Variants in NTRK2 observed in about 807,000 individuals in gnomAD.
The protein encoded by NTRK2 is BDNF/NT-3 growth factors receptor.
In NTRK2, 13 loss-of-function variants were observed where a neutral mutation model predicts 94.5. The ratio of observed to expected loss-of-function variants is 0.14; its 90% CI spans 0.09 to 0.22. The LOEUF is 0.22. Ranked by LOEUF, NTRK2 falls within the 10% of genes least tolerant of loss-of-function variation. The pLI is 1.00. For synonymous variants in NTRK2, 372 were observed against 407.4 expected (o/e 0.91, Z 1.05); for missense variants, 639 against 1,071.2 (o/e 0.60, Z 5.63).
intron 12 of NTRK2, among the ~76,000 whole-genome samples, chr9:84,842,037 GAACTATTCACCC>G (rs1297583972): frequency 6.6e-6 from 1 of 152,142 alleles, no homozygotes; most frequent in Non-Finnish European, 1.5e-5. Flanking sequence ...GCAACCAGTG[GAACTATTCACCC>G]TTTCTCCAGA....
chr9:84,841,805 G>A (rs1343395087), intron 12 of NTRK2, among the ~76,000 whole-genome samples: 1 of 152,066 alleles, frequency 6.6e-6, no homozygotes. Flanking sequence ...CTACATTCAC[G>A]GCAGAAATTT....
chr9:84,741,562 A>G (rs543313538), intron 9 of NTRK2, among the ~76,000 whole-genome samples: 25 of 152,354 alleles, frequency 1.6e-4, no homozygotes, highest in African/African-American at 5.8e-4. Context: ...AACTGCAATG[A>G]AAGTAGCCAA....
intron 14 of NTRK2, among the ~76,000 whole-genome samples, chr9:84,922,834 G>C (rs1587939741): frequency 6.6e-6 from 1 of 152,214 alleles, no homozygotes; most frequent in Non-Finnish European, 1.5e-5. Flanking sequence ...AAATGAAGGA[G>C]TGGGGGAAAG....
At chr9:84,755,022 C>T (rs190024819) in intron 12 of NTRK2, among the ~76,000 whole-genome samples, 44 of 152,290 alleles carry the variant, frequency 2.9e-4, no homozygotes, top group African/African-American at 9.6e-4. Context: ...GAGTGCAGGG[C>T]AACACAAGCT....
At chr9:84,853,235 G>A (rs1439631659) in intron 12 of NTRK2, among the ~76,000 whole-genome samples, 1 of 152,156 alleles carries the variant, frequency 6.6e-6, no homozygotes, top group East Asian at 1.9e-4. Flanking sequence ...TTGAGAACTT[G>A]AATAGGCCTC....
At position 84,996,500 on chromosome 9, in the gene NTRK2, C is replaced by G. The variant is rs74899183; in HGVS notation, c.2173-23706C>G. ...TGGAACTTCTTCCTTCTATCGCTAT[C>G]TCCTGACATCACACACGTGGAGGAG... On this transcript the variant is annotated intron_variant, in intron 17 of 18. Transcript: ENST00000277120. 1.8e-3 allele frequency among the ~76,000 whole-genome samples: 274 copies of G among 152,334 alleles called. 2 individuals are homozygous for G. Among genetic ancestry groups the G allele is most frequent in the African/African-American group, 6.1e-3 (253 of 41,572 alleles).
At chr9:84,978,117 C>T (rs185996652) in intron 17 of NTRK2, among the ~76,000 whole-genome samples, 56 of 152,280 alleles carry the variant, frequency 3.7e-4, no homozygotes, top group Non-Finnish European at 4.7e-4. Context: ...ACACAAACCT[C>T]CAAGTTTTCA....
chr9:84,670,727 G>A lies in NTRK2; in HGVS notation c.-22G>A. On this transcript the variant is annotated 5_prime_UTR_variant, in exon 2 of 19. Coordinates refer to ENST00000277120, the MANE Select transcript of NTRK2 (RefSeq NM_006180.6). ...CGGTGCAGCGCGGGGACAGGCACTC[G>A]GGCTGGCACTGGCTGCTAGGGATGT... is the stretch of plus-strand genomic sequence containing the variant. The A allele has an allele frequency of 6.2e-7, 1 of 1,610,158 alleles. No homozygotes were observed. Among genetic ancestry groups the A allele is most frequent in the South Asian group, 1.1e-5 (1 of 90,968 alleles).
intron 9 of NTRK2, among the ~76,000 whole-genome samples, chr9:84,734,996 G>A (rs2063151912): frequency 1.3e-5 from 2 of 151,992 alleles, no homozygotes; most frequent in Admixed American, 6.6e-5. Flanking sequence ...TGCTGTTGGG[G>A]ACAAAACCAA....
In NTRK2 at chr9:84,752,976, T is replaced by C. The variant is rs75341163; in HGVS notation, c.1396+891T>C. ...TTATCTGTATGGTCTGTTAGAATTA[T>C]GGGTAATGTTGCTAATATTGCTATT... On this transcript the variant is annotated intron_variant, in intron 12 of 18. Transcript: ENST00000277120. Among the ~76,000 whole-genome samples, 730 of 152,324 alleles carry C rather than the reference T, an allele frequency of 4.8e-3. 9 individuals are homozygous for C. The highest frequency in any genetic ancestry group is 0.017 in the African/African-American group (692 of 41,574).
intron 12 of NTRK2, among the ~76,000 whole-genome samples, chr9:84,784,491 G>A (rs754943855): frequency 6.6e-6 from 1 of 152,172 alleles, no homozygotes; most frequent in African/African-American, 2.4e-5. Context: ...ATTAGATTAT[G>A]CATGTTACAG....
rs2132975613 is a variant in NTRK2 at position 84,955,388 on chromosome 9, C to G, written c.2043C>G (p.Val681=). 1.2e-6 allele frequency: 2 copies of G among 1,614,190 alleles called. No homozygotes were observed. Residue 681 remains valine, a synonymous_variant, in exon 17 of 19, where the codon GTC becomes GTG. Coordinates refer to ENST00000277120, the MANE Select transcript of NTRK2 (RefSeq NM_006180.6). ...CCCAGCAGATCGCCGCGGGCATGGT[C>G]TACCTGGCGTCCCAGCACTTCGTGC... ...HIAQQIAAGM[V]YLASQHFVHR...
intron 12 of NTRK2, among the ~76,000 whole-genome samples, chr9:84,860,432 A>G (rs552653330): frequency 6.6e-6 from 1 of 152,322 alleles, no homozygotes; most frequent in East Asian, 1.9e-4. Flanking sequence ...GTCAGGAGCG[A>G]GAATCCATGT....
chr9:84,929,166 G>A (rs2077929578), intron 14 of NTRK2, among the ~76,000 whole-genome samples: 1 of 152,132 alleles, frequency 6.6e-6, no homozygotes, highest in African/African-American at 2.4e-5. Flanking sequence ...CTTCTGGGAG[G>A]AATCTATACC....
At chr9:84,839,315 T>G (rs1193334697) in intron 12 of NTRK2, among the ~76,000 whole-genome samples, 1 of 152,252 alleles carries the variant, frequency 6.6e-6, no homozygotes, top group Non-Finnish European at 1.5e-5. Flanking sequence ...TCTTGTATCC[T>G]GTTCACTCTG....
intron 17 of NTRK2, among the ~76,000 whole-genome samples, chr9:84,957,715 T>C (rs764643785): frequency 1.3e-5 from 2 of 152,218 alleles, no homozygotes; most frequent in Non-Finnish European, 2.9e-5. Flanking sequence ...AGAGTTACCA[T>C]GTAATTCAGT....
At chr9:84,933,696 C>T (rs1458411220) in intron 14 of NTRK2, among the ~76,000 whole-genome samples, 1 of 152,176 alleles carries the variant, frequency 6.6e-6, no homozygotes, top group Non-Finnish European at 1.5e-5. Context: ...AAAGATCTTG[C>T]ATTTTCCTTT....
At chr9:84,809,426 A>G (rs1373402021) in intron 12 of NTRK2, among the ~76,000 whole-genome samples, 4 of 148,422 alleles carry the variant, frequency 2.7e-5, no homozygotes, top group Non-Finnish European at 5.9e-5. Context: ...TATAATATAT[A>G]CATATACTAT....
At chr9:84,907,224 T>G (rs1417556183) in intron 14 of NTRK2, among the ~76,000 whole-genome samples, 1 of 152,216 alleles carries the variant, frequency 6.6e-6, no homozygotes, top group African/African-American at 2.4e-5. Context: ...CTGCTTCTAA[T>G]GCAGGTTTCT....
Sources: gnomAD v4.1 joint callset for allele counts (sites outside exome capture counted in the v4.1 genomes callset) on GRCh38, gnomAD v4.1.1 for gene constraint, MANE v1.5 for transcripts, NCBI Gene and HGNC (gene_info 2026-07-23, HGNC 2026-07-21) for gene names.